Variants in ACSS3 observed in about 807,000 individuals in gnomAD.
ACSS3 encodes the protein acyl-CoA synthetase short chain family member 3.
In ACSS3, 64 loss-of-function variants were observed where a neutral mutation model predicts 84.2. The observed-to-expected ratio is 0.76, with a 90% CI of 0.62 to 0.94. The LOEUF (loss-of-function observed/expected upper bound fraction) is 0.94, where lower values mean the gene tolerates loss of function less well. ACSS3 is among the 40% of genes least tolerant of loss of function. The probability of loss-of-function intolerance (pLI) is 0.00; values close to 1 mark genes in which losing one functional copy is unlikely to be tolerated. For synonymous variants in ACSS3, 317 were observed against 310.1 expected (o/e 1.02, Z -0.23); for missense variants, 815 against 867.6 (o/e 0.94, Z 0.76).
intron 9 of ACSS3, among the ~76,000 whole-genome samples, chr12:81,215,415 A>G (rs2032873560): frequency 6.6e-6 from 1 of 152,178 alleles, no homozygotes; most frequent in African/African-American, 2.4e-5. Flanking sequence ...ATCCTCTGTT[A>G]TTGATGCCAG....
intron 11 of ACSS3, among the ~76,000 whole-genome samples, chr12:81,225,073 T>G (rs1476824740): frequency 6.6e-6 from 1 of 151,884 alleles, no homozygotes; most frequent in Non-Finnish European, 1.5e-5. Context: ...CCTTATTATA[T>G]GTAGGGTTCA....
chr12:81,081,045 C>G (rs753841223), intron 1 of ACSS3, among the ~76,000 whole-genome samples: 2 of 152,176 alleles, frequency 1.3e-5, no homozygotes, highest in Non-Finnish European at 2.9e-5. Context: ...TAGTCACAGT[C>G]TCTGATGCCC....
intron 7 of ACSS3, among the ~76,000 whole-genome samples, chr12:81,169,138 G>A (rs1887538555): frequency 6.6e-6 from 1 of 152,148 alleles, no homozygotes; most frequent in Non-Finnish European, 1.5e-5. Context: ...TTTGAGTAAT[G>A]TTAGATGGTG....
chr12:81,253,241 C>G, intron 13 of ACSS3, 66 bp from the exon 14 acceptor site: 1 of 1,424,344 alleles, frequency 7.0e-7, no homozygotes, highest in Non-Finnish European at 9.9e-7. Flanking sequence ...GTATCTATAT[C>G]TATATGTTGA....
At chr12:81,160,317 A>G (rs969127003) in intron 7 of ACSS3, among the ~76,000 whole-genome samples, 3 of 152,210 alleles carry the variant, frequency 2.0e-5, no homozygotes, top group Non-Finnish European at 2.9e-5. Context: ...ATTCTTCAGT[A>G]TGTTTACTAG....
In ACSS3 at chr12:81,139,171, G is replaced by A; in HGVS notation, c.686G>A (p.Gly229Glu). The A allele has an allele frequency of 6.2e-7, 1 of 1,613,830 alleles. No homozygotes were observed. Among genetic ancestry groups the A allele is most frequent in the Non-Finnish European group, 8.5e-7 (1 of 1,179,818 alleles). The change falls in exon 4 of 16, where the codon GGA becomes GAA. Residue 229 changes from glycine (G) to glutamate (E), a missense_variant. Gly to Glu is a moderately conservative substitution (Grantham distance 98, BLOSUM62 -2). Transcript: ENST00000548058. Reference sequence around the variant, plus strand: ...ACAGCATCATTTGGCATTGAACCTGGAAGGAGGGTAGAGTACGTACCACTT... The same window carrying A: ...ACAGCATCATTTGGCATTGAACCTGAAAGGAGGGTAGAGTACGTACCACTT... ...VVTASFGIEP[G>E]RRVEYVPLVE...
chr12:81,175,471 C>G lies in ACSS3; in HGVS notation c.1250+532C>G, dbSNP rs548863545. On this transcript the variant is annotated intron_variant, in intron 8 of 15. Transcript: ENST00000548058. ...TTCAATAGATGATTGAGGCAGAAAA[C>G]TAACAAAGATATTTGGGACTCCACA... is the stretch of plus-strand genomic sequence containing the variant. 5.5e-4 allele frequency among the ~76,000 whole-genome samples: 83 copies of G among 152,236 alleles called. 1 individual carries two copies. The highest frequency in any genetic ancestry group is 1.9e-3 in the African/African-American group (79 of 41,542).
intron 11 of ACSS3, among the ~76,000 whole-genome samples, chr12:81,223,173 C>G (rs1324449168): frequency 6.6e-6 from 1 of 152,030 alleles, no homozygotes; most frequent in South Asian, 2.1e-4. Context: ...GGCTCTTTCT[C>G]TCTGATGGAC....
At chr12:81,132,345 G>A (rs1399421198) in intron 2 of ACSS3, among the ~76,000 whole-genome samples, 1 of 152,080 alleles carries the variant, frequency 6.6e-6, no homozygotes, top group Non-Finnish European at 1.5e-5. Context: ...ATTCTTCCTG[G>A]TTTAGTCTTG....
intron 1 of ACSS3, among the ~76,000 whole-genome samples, chr12:81,083,981 C>T (rs796211418): frequency 2.0e-5 from 3 of 152,070 alleles, no homozygotes; most frequent in East Asian, 1.9e-4. Context: ...AGAACAACAA[C>T]AAAAACCCGG....
Position 81,097,940 on chromosome 12 carries a change from C to T in ACSS3, c.312-11620C>T, listed in dbSNP as rs536133597. On this transcript the variant is annotated intron_variant, in intron 1 of 15. Coordinates refer to ENST00000548058, the MANE Select transcript of ACSS3 (RefSeq NM_024560.4). ...GGTCCTTGAATAACGGCATTTTGTT[C>T]AACTTTGTTTTGTTGTAATATTGAA... Among the ~76,000 whole-genome samples, 5 of 151,628 alleles carry T rather than the reference C, an allele frequency of 3.3e-5. No individual in the cohort carries two copies. The East Asian group carries it at 9.7e-4, about 29-fold the overall frequency.
chr12:81,196,900 G>A (rs1593185157), intron 8 of ACSS3, among the ~76,000 whole-genome samples: 1 of 152,212 alleles, frequency 6.6e-6, no homozygotes, highest in Non-Finnish European at 1.5e-5. Flanking sequence ...CTCCAATACT[G>A]GGGGGTCACA....
At chr12:81,247,694 G>C (rs1205208175) in intron 13 of ACSS3, among the ~76,000 whole-genome samples, 3 of 152,002 alleles carry the variant, frequency 2.0e-5, no homozygotes, top group African/African-American at 7.2e-5. Context: ...AAATCTCTTA[G>C]AGAATTGTGA....
In ACSS3 at chr12:81,174,824, T is replaced by A; in HGVS notation, c.1135T>A (p.Phe379Ile). 6.2e-7 allele frequency: 1 copy of A among 1,613,798 alleles called. No homozygotes were observed. Among genetic ancestry groups the A allele is most frequent in the South Asian group, 1.1e-5 (1 of 91,064 alleles). The change falls in exon 8 of 16, where the codon TTC becomes ATC. Residue 379 changes from phenylalanine to isoleucine, a missense_variant. Phe to Ile is a conservative substitution (Grantham distance 21). Coordinates refer to ENST00000548058, the MANE Select transcript of ACSS3 (RefSeq NM_024560.4). Reference protein sequence around the residue: ...PVGTPDAGAYFRVLAEHGVAA... With the variant: ...PVGTPDAGAYIRVLAEHGVAA... ...GGGAACACCAGATGCTGGCGCTTAT[T>A]TCCGTGTGCTTGCAGAGCATGGAGT...
At chr12:81,143,046 T>A in intron 4 of ACSS3, 61 bp from the exon 5 acceptor site, 1 of 1,420,990 alleles carries the variant, frequency 7.0e-7, no homozygotes, top group Non-Finnish European at 9.4e-7. Flanking sequence ...TTTAGCTACT[T>A]TTTGTTCTCT....
At chr12:81,183,942 C>T (rs951383414) in intron 8 of ACSS3, among the ~76,000 whole-genome samples, 1 of 151,776 alleles carries the variant, frequency 6.6e-6, no homozygotes, top group Non-Finnish European at 1.5e-5. Context: ...CAAAATTGCC[C>T]TAACAGACAT....
rs2034215615 is a variant in ACSS3, at chr12:81,253,512, G to T, written c.1837G>T (p.Glu613Ter). 6.2e-7 allele frequency: 1 copy of T among 1,613,818 alleles called. No homozygotes were observed. The highest frequency in any genetic ancestry group is 8.5e-7 in the Non-Finnish European group (1 of 1,179,838). Residue 613 changes from glutamate to a stop codon, truncating the protein, a stop_gained, in exon 15 of 16, where the codon GAG becomes TAG. Transcript: ENST00000548058. LOFTEE classifies it high-confidence loss of function. Reference sequence around the variant, plus strand: ...CTCTCTAGATATAAATGCAACAGAGGAGCAAGTTTTGGAAGAAATTGTGAA... The same window carrying T: ...CTCTCTAGATATAAATGCAACAGAGTAGCAAGTTTTGGAAGAAATTGTGAA... ...VLRKDINATE[E>*]QVLEEIVKHV...
rs2034331698 is a variant in ACSS3, at chr12:81,257,176, G to C, written c.*2254G>C. 1 of 152,092 alleles carries C rather than the reference G, an allele frequency of 6.6e-6. No homozygotes were observed. The highest frequency in any genetic ancestry group is 1.5e-5 in the Non-Finnish European group (1 of 68,030). 9.4% of individuals were successfully genotyped at this position (152,092 alleles called of 1,614,324 possible). On this transcript the variant is annotated 3_prime_UTR_variant, in exon 16 of 16. Transcript: ENST00000548058. Reference sequence around the variant, plus strand: ...ATCTGAAGCGACATCTCAGCAAGCAGACTTGGGTTATTTTCCACTAGGATG... The same window carrying C: ...ATCTGAAGCGACATCTCAGCAAGCACACTTGGGTTATTTTCCACTAGGATG...
chr12:81,214,939 A>G (rs2032847015), intron 9 of ACSS3, among the ~76,000 whole-genome samples: 1 of 152,142 alleles, frequency 6.6e-6, no homozygotes, highest in East Asian at 1.9e-4. Flanking sequence ...CTCCTTTCCT[A>G]ATGTGTCTGA....
Sources: gnomAD v4.1 joint callset for allele counts (sites outside exome capture counted in the v4.1 genomes callset) on GRCh38, gnomAD v4.1.1 for gene constraint, MANE v1.5 for transcripts, NCBI Gene and HGNC (gene_info 2026-07-23, HGNC 2026-07-21) for gene names.